Variants in ZNF236 observed in about 807,000 individuals in gnomAD.
The protein encoded by ZNF236 is regulated by glucose.
In ZNF236, 50 loss-of-function variants were observed where a neutral mutation model predicts 191.2. The ratio of observed to expected loss-of-function variants is 0.26; its 90% CI spans 0.21 to 0.33. The LOEUF (loss-of-function observed/expected upper bound fraction) is 0.33. Ranked by LOEUF, ZNF236 falls within the 10% of genes least tolerant of loss-of-function variation. The pLI is 1.00. For synonymous variants in ZNF236, 907 were observed against 928.8 expected (o/e 0.98, Z 0.43); for missense variants, 1,754 against 2,374.5 (o/e 0.74, Z 5.43).
intron 13 of ZNF236, among the ~76,000 whole-genome samples, chr18:76,906,116 C>T: frequency 6.6e-6 from 1 of 152,182 alleles, no homozygotes; most frequent in Non-Finnish European, 1.5e-5. Flanking sequence ...AGCATTTTAA[C>T]CCAGATATGT....
chr18:76,948,536 T>C (rs972939042), intron 27 of ZNF236, among the ~76,000 whole-genome samples: 2 of 152,180 alleles, frequency 1.3e-5, no homozygotes, highest in African/African-American at 2.4e-5. Flanking sequence ...TGGTTTATAC[T>C]TGTGGTTACA....
chr18:76,868,481 A>G (rs1483802504), intron 3 of ZNF236, among the ~76,000 whole-genome samples: 1 of 152,338 alleles, frequency 6.6e-6, no homozygotes, highest in East Asian at 1.9e-4. Context: ...TTCTTCCAAT[A>G]AAGAAATGAT....
intron 27 of ZNF236, among the ~76,000 whole-genome samples, chr18:76,953,613 C>T (rs1201119045): frequency 6.6e-6 from 1 of 152,202 alleles, no homozygotes; most frequent in Non-Finnish European, 1.5e-5. Context: ...TGAGCATTTA[C>T]ACCTGGATTT....
At chr18:76,849,771 A>G in intron 2 of ZNF236, 103 bp downstream of exon 2, 1 of 1,065,904 alleles carries the variant, frequency 9.4e-7, no homozygotes, top group East Asian at 3.0e-5. Flanking sequence ...GTTCCTAAAT[A>G]GTAGAACATT....
intron 1 of ZNF236, among the ~76,000 whole-genome samples, chr18:76,842,742 ACT>A (rs1975549001): frequency 6.7e-6 from 1 of 149,704 alleles, no homozygotes; most frequent in Non-Finnish European, 1.5e-5. Flanking sequence ...CAAGAGTGAA[ACT>A]CTGTCTCAAA....
intron 2 of ZNF236, among the ~76,000 whole-genome samples, chr18:76,850,900 G>A (rs116387084): frequency 0.015 from 2,200 of 151,570 alleles, 28 homozygotes; most frequent in African/African-American, 0.041. Flanking sequence ...CACCACCCCC[G>A]GCCTGCTTGA....
In ZNF236 at chr18:76,875,647, C is replaced by A; in HGVS notation, c.823C>A (p.Gln275Lys). The change falls in exon 6 of 31, where the codon CAG becomes AAG. Residue 275 changes from glutamine to lysine, a missense_variant. By Grantham distance (53) the Gln-to-Lys change is moderately conservative. This residue lies in a region of ZNF236 where 336 missense variants were observed against 495.1 expected (regional missense o/e 0.68). Coordinates refer to ENST00000320610, the MANE Select transcript of ZNF236 (RefSeq NM_001306089.2). The surrounding 1 kb of genome is among the most constrained non-coding windows in gnomAD (Gnocchi z 4.3). ...SQKGNLQSHV[Q>K]RVHSEVKNGP... is the part of the protein sequence containing the mutation. ...GAAAGGGAATCTTCAGTCGCACGTG[C>A]AGCGAGTCCACTCAGAGGTAAACAC... 6.3e-7 allele frequency: 1 copy of A among 1,590,688 alleles called. No individual in the cohort carries two copies. The highest frequency in any genetic ancestry group is 8.6e-7 in the Non-Finnish European group (1 of 1,166,638).
chr18:76,905,530 AC>A, intron 13 of ZNF236, 115 bp downstream of exon 13: 7 of 1,006,182 alleles, frequency 7.0e-6, no homozygotes, highest in African/African-American at 1.7e-5. Flanking sequence ...TCTAGCTCAT[AC>A]TATATGGGCT....
At chr18:76,933,098 T>C (rs1967901307) in intron 25 of ZNF236, among the ~76,000 whole-genome samples, 1 of 152,210 alleles carries the variant, frequency 6.6e-6, no homozygotes, top group African/African-American at 2.4e-5. Context: ...GCAGCTGACA[T>C]TTCTGTATAA....
At chr18:76,871,957 T>G in intron 5 of ZNF236, 132 bp downstream of exon 5, 1 of 1,134,578 alleles carries the variant, frequency 8.8e-7, no homozygotes, top group South Asian at 1.5e-5. Flanking sequence ...CTGAAATTAG[T>G]TACTCTTTGT....
At chr18:76,886,374 A>G (rs1376976018) in intron 9 of ZNF236, 1 of 153,094 alleles carries the variant, frequency 6.5e-6, no homozygotes, top group African/African-American at 2.4e-5. Flanking sequence ...GTTGAGATTC[A>G]GCAGTAAAGA....
At chr18:76,936,961 T>C (rs1452178226) in intron 25 of ZNF236, among the ~76,000 whole-genome samples, 195 bp from the exon 26 acceptor site, 1 of 152,228 alleles carries the variant, frequency 6.6e-6, no homozygotes, top group African/African-American at 2.4e-5. Context: ...TATATTCATA[T>C]GTAAAGATGT....
At chr18:76,911,083 A>G (rs375508224) in intron 16 of ZNF236, among the ~76,000 whole-genome samples, 1 of 152,250 alleles carries the variant, frequency 6.6e-6, no homozygotes, top group African/African-American at 2.4e-5. Flanking sequence ...CTAGAGTGCT[A>G]TGTAATAACA....
chr18:76,893,468 TA>T (rs1044335755), intron 9 of ZNF236, among the ~76,000 whole-genome samples: 24 of 152,206 alleles, frequency 1.6e-4, no homozygotes, highest in African/African-American at 5.5e-4. Flanking sequence ...TCACTGTGTT[TA>T]AAAAATATAT....
At position 76,945,117 on chromosome 18, in the gene ZNF236, T is replaced by C. The variant is rs535954871; in HGVS notation, c.4783-2404T>C. ...AACCCTGACATCTGCCACTCTGTTCTTTATTTCTGTAATTTTGCTATTTCA... is the reference window on the plus strand; with the variant it reads ...AACCCTGACATCTGCCACTCTGTTCCTTATTTCTGTAATTTTGCTATTTCA... On this transcript the variant is annotated intron_variant, in intron 26 of 30. Coordinates refer to ENST00000320610, the MANE Select transcript of ZNF236 (RefSeq NM_001306089.2). 7.2e-5 allele frequency among the ~76,000 whole-genome samples: 11 copies of C among 152,346 alleles called. No homozygotes were observed. In the East Asian group the frequency reaches 1.9e-3, roughly 27 times the overall value.
At chr18:76,914,275 C>T (rs1266449533) in intron 18 of ZNF236, among the ~76,000 whole-genome samples, 1 of 152,224 alleles carries the variant, frequency 6.6e-6, no homozygotes, top group Non-Finnish European at 1.5e-5. Context: ...ATCAGAACCT[C>T]ATTCCTTTCC....
rs778420795 is a variant in ZNF236, at chr18:76,920,118, C to T, written c.3557+60C>T. On this transcript the variant is annotated intron_variant, in intron 20 of 30. Coordinates refer to ENST00000320610, the MANE Select transcript of ZNF236 (RefSeq NM_001306089.2). Reference sequence around the variant, plus strand: ...TGAAGACTGGAGGTGCAGGCAGCTGCTCCTTTGGTGATTTTCACTGCAGCA... The same window carrying T: ...TGAAGACTGGAGGTGCAGGCAGCTGTTCCTTTGGTGATTTTCACTGCAGCA... 15 of 1,541,082 alleles carry T rather than the reference C, an allele frequency of 9.7e-6. No homozygotes were observed. In the Admixed American group the frequency reaches 1.2e-4, roughly 12 times the overall value.
rs373078159 is a variant in ZNF236 at position 76,912,991 on chromosome 18, T to TC, written c.2909+646dup. ...AATTTTCAAAATGTATTCAGACACT[T>TC]CCAGCTTTTAGTTTAATTTGGACTT... On this transcript the variant is annotated intron_variant, in intron 17 of 30. Transcript: ENST00000320610. 1.9e-3 allele frequency among the ~76,000 whole-genome samples: 288 copies of TC among 152,334 alleles called. 1 individual carries two copies. Among genetic ancestry groups the TC allele is most frequent in the African/African-American group, 6.4e-3 (266 of 41,568 alleles).
At chr18:76,915,514 A>G in intron 18 of ZNF236, 133 bp from the exon 19 acceptor site, 1 of 799,062 alleles carries the variant, frequency 1.3e-6, no homozygotes, top group Middle Eastern at 4.0e-4. Flanking sequence ...TTTTTTTTTA[A>G]CCAAAGTCTG....
Sources: allele counts gnomAD v4.1 joint callset (sites outside exome capture counted in the v4.1 genomes callset), GRCh38; gene constraint gnomAD v4.1.1; regional missense constraint gnomAD v4.1.1; non-coding constraint Gnocchi (gnomAD v3.1); transcripts MANE v1.5; gene names NCBI Gene and HGNC (gene_info 2026-07-23, HGNC 2026-07-21).